Variants in TBC1D2B observed in about 807,000 individuals in gnomAD.
TBC1D2B encodes the protein TBC1 domain family member 2B.
TBC1D2B carries 64 observed loss-of-function variants against 100.8 expected under a neutral mutation model. The observed-to-expected ratio is 0.64, with a 90% CI of 0.52 to 0.78. The LOEUF is 0.78. Ranked by LOEUF, TBC1D2B falls within the 30% of genes least tolerant of loss-of-function variation. The pLI is 0.00. For missense variants in TBC1D2B, 1,052 were observed against 1,218.4 expected, an observed-to-expected ratio of 0.86 and a Z score of 2.03; for synonymous variants, 480 against 479.7, an observed-to-expected ratio of 1.00 and a Z score of -0.01.
At chr15:78,015,792 T>C (rs573452173) in intron 8 of TBC1D2B, among the ~76,000 whole-genome samples, 12 of 152,362 alleles carry the variant, frequency 7.9e-5, no homozygotes, top group Non-Finnish European at 1.6e-4. Flanking sequence ...CAAACATCCA[T>C]AAAAGTGTTT....
chr15:78,062,958 T>C (rs2073578682), intron 1 of TBC1D2B, among the ~76,000 whole-genome samples: 1 of 152,176 alleles, frequency 6.6e-6, no homozygotes, highest in Non-Finnish European at 1.5e-5. Context: ...TTACATAAAT[T>C]GTCTGGGCCT....
chr15:78,020,868 G>C (rs942797144), intron 6 of TBC1D2B, among the ~76,000 whole-genome samples: 1 of 152,160 alleles, frequency 6.6e-6, no homozygotes, highest in Non-Finnish European at 1.5e-5. Context: ...TAGGCACGGA[G>C]GTATTCATGG....
chr15:78,001,567 A>T, intron 12 of TBC1D2B, 52 bp downstream of exon 12: 1 of 1,558,314 alleles, frequency 6.4e-7, no homozygotes, highest in East Asian at 2.3e-5. Context: ...TCAAGGAGGC[A>T]GGGGTCAGGC....
intron 1 of TBC1D2B, among the ~76,000 whole-genome samples, chr15:78,054,825 C>T (rs570684322): frequency 4.3e-4 from 66 of 152,264 alleles, no homozygotes; most frequent in Non-Finnish European, 6.5e-4. Flanking sequence ...ACCTGGCAAG[C>T]CCATCCCTAC....
Position 78,012,865 on chromosome 15 carries a change from G to A in TBC1D2B, c.2228C>T (p.Ser743Phe), listed in dbSNP as rs1356151952. 2.0e-6 allele frequency: 3 copies of A among 1,515,738 alleles called. No homozygotes were observed. Among genetic ancestry groups the A allele is most frequent in the East Asian group, 2.3e-5 (1 of 43,988 alleles). The allele number at this position is 1,515,738 out of a possible 1,614,324, so 93.9% of individuals were successfully genotyped here. Reference protein sequence around the residue: ...QKLRNVLLAFSWRNPDIGYCQ... With the variant: ...QKLRNVLLAFFWRNPDIGYCQ... ...GTAGCCGATATCTGGATTCCGCCAG[G>A]AGAAGGCGAGGAGGACATTGCGTAA... is the stretch of plus-strand genomic sequence containing the variant. Residue 743 changes from serine to phenylalanine, a missense_variant, in exon 9 of 13, where the codon TCC (serine) becomes TTC (phenylalanine). Around this residue, in one of 4 missense-constraint regions of TBC1D2B, gnomAD observed 373 missense variants for 464.9 expected, o/e 0.80. Transcript: ENST00000300584.
chr15:78,047,881 C>G (rs2073231715), intron 2 of TBC1D2B, among the ~76,000 whole-genome samples: 1 of 152,206 alleles, frequency 6.6e-6, no homozygotes, highest in Admixed American at 6.5e-5. Context: ...AGGTGCAGCT[C>G]AAACTCCTTT....
At position 78,012,909 on chromosome 15, in the gene TBC1D2B, G is replaced by A. The variant is rs770231051; in HGVS notation, c.2184C>T (p.Thr728=). The change falls in exon 9 of 13, where the codon ACC becomes ACT. Residue 728 remains threonine, a synonymous_variant. Coordinates refer to ENST00000300584, the MANE Select transcript of TBC1D2B (RefSeq NM_144572.2). ...LPNNKHYSCP[T]SEGIQKLRNV... is the part of the protein sequence containing the mutation. The stretch of plus-strand genomic sequence containing the variant: ...TGCGTAACTTCTGTATGCCTTCTGA[G>A]GTGGGGCAGGAGTAATGTTTGTTGT... 6.5e-6 allele frequency: 10 copies of A among 1,535,132 alleles called. No homozygotes were observed. Among genetic ancestry groups the A allele is most frequent in the Non-Finnish European group, 8.8e-6 (10 of 1,141,280 alleles).
chr15:78,023,509 G>C (rs3743069), intron 6 of TBC1D2B, among the ~76,000 whole-genome samples: 1 of 152,134 alleles, frequency 6.6e-6, no homozygotes, highest in Admixed American at 6.6e-5. Context: ...TCCTCCTACC[G>C]CATCAGCTGG....
In TBC1D2B at chr15:78,077,593, C is replaced by G. The variant is rs947827125; in HGVS notation, c.60G>C (p.Gln20His). The G allele has an allele frequency of 1.8e-5, 21 of 1,175,860 alleles. No homozygotes were observed. The African/African-American group carries it at 3.4e-4, about 19-fold the overall frequency. 72.8% of individuals were successfully genotyped at this position (1,175,860 alleles called of 1,614,324 possible). Residue 20 changes from glutamine to histidine, a missense_variant, in exon 1 of 13, where the codon CAG becomes CAC. Physicochemically the swap from Gln to His is conservative, Grantham distance 24. Coordinates refer to ENST00000300584, the MANE Select transcript of TBC1D2B (RefSeq NM_144572.2). ...EGGGGGEGAAQGAAAEPGAGP... is the reference protein window; with the variant it reads ...EGGGGGEGAAHGAAAEPGAGP... The stretch of plus-strand genomic sequence containing the variant: ...CCGCCCCGGGCTCCGCGGCCGCCCC[C>G]TGCGCCGCGCCCTCGCCGCCGCCGC...
chr15:78,055,001 G>A (rs1596326556), intron 1 of TBC1D2B, among the ~76,000 whole-genome samples: 1 of 151,990 alleles, frequency 6.6e-6, no homozygotes, highest in East Asian at 1.9e-4. Flanking sequence ...CAATAAAAAG[G>A]AGCACACTAT....
At chr15:78,076,992 C>A (rs78233927) in intron 1 of TBC1D2B, among the ~76,000 whole-genome samples, 2 of 152,144 alleles carry the variant, frequency 1.3e-5, no homozygotes, top group Non-Finnish European at 2.9e-5. Flanking sequence ...AGGACATCCA[C>A]GGGATGGTGG....
chr15:78,030,232 T>A lies in TBC1D2B; in HGVS notation c.684-62A>T, dbSNP rs1012465615. ...AAAAGTAAAACAAAACGTAATCTCA[T>A]GTATATAGGATTGGCAAAAATTTAA... On this transcript the variant is annotated intron_variant, in intron 3 of 12. Coordinates refer to ENST00000300584, the MANE Select transcript of TBC1D2B (RefSeq NM_144572.2). 4.1e-6 allele frequency: 6 copies of A among 1,462,728 alleles called. No homozygotes were observed. In the African/African-American group the frequency reaches 8.5e-5, roughly 21 times the overall value. The allele number at this position is 1,462,728 out of a possible 1,614,324, so 90.6% of individuals were successfully genotyped here.
At chr15:78,060,394 T>C (rs1166207060) in intron 1 of TBC1D2B, among the ~76,000 whole-genome samples, 2 of 151,498 alleles carry the variant, frequency 1.3e-5, no homozygotes, top group East Asian at 1.9e-4. Context: ...TCTTAGCCCT[T>C]TGGGAGGCCC....
intron 10 of TBC1D2B, among the ~76,000 whole-genome samples, chr15:78,004,546 A>G (rs2072015557): frequency 6.6e-6 from 1 of 152,248 alleles, no homozygotes; most frequent in Non-Finnish European, 1.5e-5. Flanking sequence ...AAAAACATGC[A>G]TCTTCAACCA....
intron 4 of TBC1D2B, among the ~76,000 whole-genome samples, chr15:78,028,798 C>T (rs187865692): frequency 6.6e-6 from 1 of 152,110 alleles, no homozygotes; most frequent in Non-Finnish European, 1.5e-5. Flanking sequence ...ATCAGCAAAC[C>T]CAGATGTGGG....
chr15:78,024,033 G>T, intron 6 of TBC1D2B, 123 bp downstream of exon 6: 2 of 1,273,100 alleles, frequency 1.6e-6, no homozygotes, highest in South Asian at 1.6e-5. Flanking sequence ...TACACTTGTG[G>T]GGAAAAAAAA....
At chr15:78,040,888 GAGAGAGAA>G (rs1424057414) in intron 3 of TBC1D2B, among the ~76,000 whole-genome samples, 2 of 122,480 alleles carry the variant, frequency 1.6e-5, no homozygotes, top group East Asian at 4.9e-4. Flanking sequence ...GAAAGAGAGA[GAGAGAGAA>G]AGAAAGAAAG....
chr15:78,020,164 T>C (rs1233169091), intron 6 of TBC1D2B, among the ~76,000 whole-genome samples: 3 of 152,210 alleles, frequency 2.0e-5, no homozygotes, highest in African/African-American at 7.2e-5. Context: ...ATTACAGGTA[T>C]GAGCTATTGC....
intron 3 of TBC1D2B, among the ~76,000 whole-genome samples, chr15:78,032,489 C>T (rs2072841247): frequency 6.6e-6 from 1 of 150,500 alleles, no homozygotes; most frequent in Non-Finnish European, 1.5e-5. Flanking sequence ...TAAAAATGAC[C>T]AGGCATGCAC....
Sources: gnomAD v4.1 joint callset for allele counts (sites outside exome capture counted in the v4.1 genomes callset) on GRCh38, gnomAD v4.1.1 for gene constraint, gnomAD v4.1.1 regional missense constraint, MANE v1.5 for transcripts, NCBI Gene and HGNC (gene_info 2026-07-23, HGNC 2026-07-21) for gene names.